The following TPCN2 variants were observed in gnomAD, a reference collection of about 807,000 sequenced individuals.
TPCN2 encodes two pore segment channel 2.
TPCN2 carries 92 observed loss-of-function variants against 111.4 expected under a neutral mutation model. That is an observed-to-expected ratio of 0.83 (90% CI 0.70 to 0.98). The LOEUF is 0.98. Ranked by LOEUF, TPCN2 falls within the 50% of genes least tolerant of loss-of-function variation. The pLI, the probability that TPCN2 is intolerant of heterozygous loss-of-function variation, is 0.00. For missense variants in TPCN2, 995 were observed against 980.1 expected (o/e 1.02, Z -0.20); for synonymous variants, 405 against 414.5 (o/e 0.98, Z 0.28).
chr11:69,081,369 C>T, intron 17 of TPCN2, 31 bp from the exon 18 acceptor site: 1 of 1,498,526 alleles, frequency 6.7e-7, no homozygotes, highest in Non-Finnish European at 9.0e-7. Context: ...TCCTGGGCTC[C>T]TCCCAACCCG....
chr11:69,085,711 G>T lies in TPCN2; in HGVS notation c.1879G>T (p.Glu627Ter), dbSNP rs368908999. Residue 627 changes from glutamate (E) to a stop codon, truncating the protein, a stop_gained, in exon 21 of 25, where the codon GAG becomes TAG. Coordinates refer to ENST00000294309, the MANE Select transcript of TPCN2 (RefSeq NM_139075.4). LOFTEE classifies it high-confidence loss of function. Reference protein sequence around the residue: ...ANGSAPCGSFEQLEYWANNFD... With the variant: ...ANGSAPCGSF ...TGGCTCGGCGCCCTGTGGGAGCTTC[G>T]AGCAGCTGGAGTACTGGGCCAACAA... The T allele has an allele frequency of 3.7e-6, 6 of 1,613,896 alleles. No individual in the cohort carries two copies. The highest frequency in any genetic ancestry group is 5.1e-6 in the Non-Finnish European group (6 of 1,179,996).
intron 9 of TPCN2, among the ~76,000 whole-genome samples, chr11:69,071,111 ACCAACAG>A (rs1855514686): frequency 3.6e-5 from 1 of 28,068 alleles, no homozygotes; most frequent in Non-Finnish European, 9.4e-5. Flanking sequence ...GGGATCCCCC[ACCAACAG>A]CTTCACCCCA....
chr11:69,050,047 G>C (rs1420099636), intron 1 of TPCN2, among the ~76,000 whole-genome samples: 1 of 152,214 alleles, frequency 6.6e-6, no homozygotes, highest in African/African-American at 2.4e-5. Flanking sequence ...GGAAGGAACT[G>C]GGTTGGAATC....
At chr11:69,053,988 C>T (rs1231407696) in intron 1 of TPCN2, 45 bp from the exon 2 acceptor site, 1 of 1,540,646 alleles carries the variant, frequency 6.5e-7, no homozygotes, top group African/African-American at 1.4e-5. Context: ...AGGGTGAGGC[C>T]ATGTCATCCT....
intron 13 of TPCN2, among the ~76,000 whole-genome samples, chr11:69,078,036 T>G (rs1413527809): frequency 6.6e-6 from 1 of 152,168 alleles, no homozygotes; most frequent in Non-Finnish European, 1.5e-5. Context: ...GTCCTGACAG[T>G]GGCAGCGTCT....
At chr11:69,087,611 C>T (rs1435429562) in intron 24 of TPCN2, among the ~76,000 whole-genome samples, 1 of 152,196 alleles carries the variant, frequency 6.6e-6, no homozygotes, top group African/African-American at 2.4e-5. Context: ...CTGTGCCTTC[C>T]ACCAGGGGCT....
intron 1 of TPCN2, 31 bp downstream of exon 1, chr11:69,049,137 G>T (rs550625784): frequency 3.2e-5 from 38 of 1,205,768 alleles, no homozygotes; most frequent in Non-Finnish European, 3.4e-5. Context: ...GAGGGGACTG[G>T]CCCGGGAGAC....
chr11:69,057,922 T>C (rs1854846275), intron 5 of TPCN2, among the ~76,000 whole-genome samples: 2 of 152,220 alleles, frequency 1.3e-5, no homozygotes, highest in Admixed American at 6.5e-5. Context: ...TCCTCCTGGC[T>C]CGCCCTGTTT....
In TPCN2 at chr11:69,086,619, C is replaced by T. The variant is rs1429407540; in HGVS notation, c.2085+15C>T. On this transcript the variant is annotated intron_variant, in intron 23 of 24. Coordinates refer to ENST00000294309, the MANE Select transcript of TPCN2 (RefSeq NM_139075.4). ...TGATTCTGGAGGTATCAGAGATCCC[C>T]ACCCAGGCTGTTCTCCATGGTCGTT... 2 of 1,612,144 alleles carry T rather than the reference C, an allele frequency of 1.2e-6. No homozygotes were observed. The highest frequency in any genetic ancestry group is 1.3e-5 in the African/African-American group (1 of 74,910).
intron 17 of TPCN2, among the ~76,000 whole-genome samples, chr11:69,080,955 A>G (rs1402405540): frequency 6.6e-6 from 1 of 152,082 alleles, no homozygotes; most frequent in Non-Finnish European, 1.5e-5. Context: ...GGTCAGGGTC[A>G]TGGGACAGGA....
rs774078496 is a variant in TPCN2, at chr11:69,057,634, C to T, written c.486C>T (p.Leu162=). The T allele has an allele frequency of 7.4e-6, 12 of 1,614,088 alleles. No individual in the cohort carries two copies. In the Admixed American group the frequency reaches 1.3e-4, roughly 18 times the overall value. The change falls in exon 5 of 25, where the codon CTC becomes CTT. Residue 162 remains leucine (L), a synonymous_variant. Coordinates refer to ENST00000294309, the MANE Select transcript of TPCN2 (RefSeq NM_139075.4). ...AAAACCTTTGGCTGCTGGGCTACCT[C>T]GTGGTGCTGGTGGTGTCTCTGGTGG... ...FQKNLWLLGY[L]VVLVVSLVDW... is the part of the protein sequence containing the mutation.
At position 69,070,470 on chromosome 11, in the gene TPCN2, C is replaced by A. The variant is rs182863868; in HGVS notation, c.870C>A (p.Ile290=). ...PAYSKNRAYA[I]FFIVFTVIGS... Reference sequence around the variant, plus strand: ...ATTCCAAGAACCGGGCCTATGCCATCTTCTTCATAGTCTTCACTGTGATAG... The same window carrying A: ...ATTCCAAGAACCGGGCCTATGCCATATTCTTCATAGTCTTCACTGTGATAG... The change falls in exon 9 of 25, where the codon ATC becomes ATA. Residue 290 remains isoleucine, a synonymous_variant. Coordinates refer to ENST00000294309, the MANE Select transcript of TPCN2 (RefSeq NM_139075.4). 2.6e-5 allele frequency: 42 copies of A among 1,610,840 alleles called. 1 individual carries two copies. The Admixed American group carries it at 6.9e-4, about 26-fold the overall frequency.
At chr11:69,084,445 C>CAT (rs1856184083) in intron 19 of TPCN2, among the ~76,000 whole-genome samples, 1 of 152,340 alleles carries the variant, frequency 6.6e-6, no homozygotes, top group African/African-American at 2.4e-5. Flanking sequence ...TTCAGGGACT[C>CAT]ACAGCCACAT....
At chr11:69,061,477 C>T (rs914668802) in intron 5 of TPCN2, among the ~76,000 whole-genome samples, 2 of 152,204 alleles carry the variant, frequency 1.3e-5, no homozygotes, top group African/African-American at 4.8e-5. Context: ...TTGAGATTGA[C>T]AGGCGCCAAA....
intron 9 of TPCN2, 138 bp downstream of exon 9, chr11:69,070,633 A>G (rs1855480266): frequency 1.1e-5 from 7 of 627,942 alleles, no homozygotes; most frequent in South Asian, 7.9e-5. Context: ...ATCCCCTGCC[A>G]ACAGCTTTTA....
At chr11:69,057,255 C>T (rs757406840) in intron 4 of TPCN2, among the ~76,000 whole-genome samples, 1 of 152,238 alleles carries the variant, frequency 6.6e-6, no homozygotes, top group Non-Finnish European at 1.5e-5. Flanking sequence ...ATTTTTCTAG[C>T]CTTTTCCAGA....
chr11:69,059,063 C>G (rs191240848), intron 5 of TPCN2, among the ~76,000 whole-genome samples: 1 of 152,228 alleles, frequency 6.6e-6, no homozygotes, highest in Admixed American at 6.5e-5. Context: ...CCACCTGCTC[C>G]GCGCTCCCTT....
At chr11:69,057,204 C>G (rs894537218) in intron 4 of TPCN2, among the ~76,000 whole-genome samples, 2 of 152,260 alleles carry the variant, frequency 1.3e-5, no homozygotes, top group African/African-American at 4.8e-5. Context: ...ACTTCCCAAG[C>G]TGCCTTGCTG....
At chr11:69,071,873 C>A in intron 10 of TPCN2, 50 bp from the exon 11 acceptor site, 1 of 1,564,894 alleles carries the variant, frequency 6.4e-7, no homozygotes, top group Non-Finnish European at 8.8e-7. Flanking sequence ...GTCGGGGGTT[C>A]TGAGCTGGGG....
Sources: gnomAD v4.1 joint callset for allele counts (sites outside exome capture counted in the v4.1 genomes callset) on GRCh38, gnomAD v4.1.1 for gene constraint, MANE v1.5 for transcripts, NCBI Gene and HGNC (gene_info 2026-07-23, HGNC 2026-07-21) for gene names.